The following SNAP25 variants were observed in gnomAD, a reference collection of about 807,000 sequenced individuals.
SNAP25 encodes synaptosome associated protein 25.
In SNAP25, 3 loss-of-function variants were observed where a neutral mutation model predicts 28.7. The ratio of observed to expected loss-of-function variants is 0.10; its 90% CI spans 0.05 to 0.27. SNAP25 has a LOEUF of 0.27. SNAP25 is among the 10% of genes least tolerant of loss of function. The pLI is 1.00. For synonymous variants in SNAP25, 61 were observed against 88.1 expected (o/e 0.69, Z 1.72); for missense variants, 117 against 278.7 (o/e 0.42, Z 4.13).
intron 1 of SNAP25, chr20:10,231,643 C>T (rs2062831304): frequency 6.6e-6 from 1 of 152,164 alleles, no homozygotes; most frequent in African/African-American, 2.4e-5. Flanking sequence ...TAGGAACATT[C>T]TCATAACCCT....
intron 1 of SNAP25, among the ~76,000 whole-genome samples, chr20:10,252,758 C>CTTT (rs56654069): frequency 2.2e-5 from 3 of 133,880 alleles, no homozygotes; most frequent in African/African-American, 8.1e-5. Flanking sequence ...ATTTTCTCAT[C>CTTT]TTTTTTTTTT....
intron 1 of SNAP25, among the ~76,000 whole-genome samples, chr20:10,262,124 A>G (rs1332258808): frequency 1.3e-5 from 2 of 152,226 alleles, no homozygotes; most frequent in African/African-American, 2.4e-5. Context: ...TAGTTTTGCT[A>G]TGGAAGGATG....
chr20:10,292,928 C>T, intron 4 of SNAP25: 1 of 1,613,458 alleles, frequency 6.2e-7, no homozygotes, highest in Non-Finnish European at 8.5e-7. Context: ...TCAACCAAGA[C>T]ATGAAGGAGG....
At chr20:10,289,385 C>G (rs1264801844) in intron 4 of SNAP25, among the ~76,000 whole-genome samples, 2 of 152,028 alleles carry the variant, frequency 1.3e-5, no homozygotes, top group Non-Finnish European at 2.9e-5. Flanking sequence ...GAAGATGTGA[C>G]TTTTGGGAAA....
intron 4 of SNAP25, among the ~76,000 whole-genome samples, 154 bp downstream of exon 4, chr20:10,284,926 T>C (rs556268865): frequency 6.6e-6 from 1 of 152,376 alleles, no homozygotes; most frequent in Non-Finnish European, 1.5e-5. Flanking sequence ...TTTTTCTTTC[T>C]CTGTTGAAAA....
intron 1 of SNAP25, among the ~76,000 whole-genome samples, chr20:10,264,580 G>A (rs2063474692): frequency 6.6e-6 from 1 of 152,218 alleles, no homozygotes; most frequent in South Asian, 2.1e-4. Flanking sequence ...GGAAGGAAAA[G>A]GGACCACCAC....
intron 3 of SNAP25, 196 bp downstream of exon 3, chr20:10,277,922 C>T: frequency 1.9e-6 from 1 of 536,268 alleles, no homozygotes; most frequent in Non-Finnish European, 3.3e-6. Flanking sequence ...CACCCTCCTT[C>T]CCAGCCCAAG....
intron 4 of SNAP25, among the ~76,000 whole-genome samples, chr20:10,287,658 G>T (rs1417759502): frequency 6.8e-6 from 1 of 147,318 alleles, no homozygotes; most frequent in Non-Finnish European, 1.5e-5. Flanking sequence ...CCCATTACTG[G>T]GTATATACCC....
At chr20:10,266,494 G>A (rs1273203305) in intron 1 of SNAP25, among the ~76,000 whole-genome samples, 1 of 152,186 alleles carries the variant, frequency 6.6e-6, no homozygotes, top group Non-Finnish European at 1.5e-5. Context: ...AGCCAAATGA[G>A]AGCACATTAA....
chr20:10,274,994 T>C (rs919781845), intron 1 of SNAP25, among the ~76,000 whole-genome samples: 2 of 151,968 alleles, frequency 1.3e-5, no homozygotes, highest in African/African-American at 4.8e-5. Context: ...TGTATACATA[T>C]GTCAAAACTT....
chr20:10,276,489 T>A (rs2063694035), intron 2 of SNAP25, among the ~76,000 whole-genome samples: 1 of 152,196 alleles, frequency 6.6e-6, no homozygotes, highest in South Asian at 2.1e-4. Context: ...AAAGAGGAAA[T>A]CTTCCAGTAT....
At chr20:10,290,945 T>G (rs1464618400) in intron 4 of SNAP25, among the ~76,000 whole-genome samples, 1 of 152,188 alleles carries the variant, frequency 6.6e-6, no homozygotes, top group Admixed American at 6.5e-5. Flanking sequence ...ACTTGAATAT[T>G]TACCTTGATC....
At chr20:10,250,683 A>G (rs1251221267) in intron 1 of SNAP25, among the ~76,000 whole-genome samples, 1 of 152,218 alleles carries the variant, frequency 6.6e-6, no homozygotes, top group Admixed American at 6.5e-5. Flanking sequence ...TCCAAGGAAG[A>G]TTGGTGCCAA....
intron 3 of SNAP25, among the ~76,000 whole-genome samples, chr20:10,282,853 A>G (rs2063805526): frequency 6.6e-6 from 1 of 152,248 alleles, no homozygotes; most frequent in African/African-American, 2.4e-5. Flanking sequence ...CAAATAAATC[A>G]TTAAAATACA....
chr20:10,282,216 G>T (rs2063793111), intron 3 of SNAP25, among the ~76,000 whole-genome samples: 1 of 146,066 alleles, frequency 6.8e-6, no homozygotes, highest in South Asian at 2.2e-4. Flanking sequence ...AGGAAGGAAG[G>T]AAGGAAGGAA....
chr20:10,290,713 T>C (rs546678959), intron 4 of SNAP25, among the ~76,000 whole-genome samples: 2 of 152,288 alleles, frequency 1.3e-5, no homozygotes, highest in African/African-American at 2.4e-5. Context: ...AGACAAATAA[T>C]TGCATATGTG....
Position 10,231,747 on chromosome 20 carries a change from A to G in SNAP25, c.-64+12770A>G, listed in dbSNP as rs1410865844. On this transcript the variant is annotated intron_variant, in intron 1 of 7. Transcript: ENST00000254976. ...AATCTGAAACTTTTTGAGCACCAAT[A>G]TGACCCTCAAAGGAAATGCCTATTA... is the stretch of plus-strand genomic sequence containing the variant. 5 of 152,192 alleles carry G rather than the reference A, an allele frequency of 3.3e-5. No individual in the cohort carries two copies. The South Asian group carries it at 1.0e-3, about 31-fold the overall frequency. The allele number at this position is 152,192 out of a possible 1,614,324, so 9.4% of individuals were successfully genotyped here.
At chr20:10,301,810 A>G (rs2064243323) in intron 7 of SNAP25, among the ~76,000 whole-genome samples, 3 of 148,958 alleles carry the variant, frequency 2.0e-5, no homozygotes, top group African/African-American at 7.4e-5. Context: ...TTTCTGCTTA[A>G]GGGTATTTAT....
chr20:10,225,466 A>G (rs191090291), intron 1 of SNAP25, among the ~76,000 whole-genome samples: 2 of 152,312 alleles, frequency 1.3e-5, no homozygotes, highest in East Asian at 1.9e-4. Flanking sequence ...ATGCTTAACA[A>G]TGATTCCAGA....
Sources: gnomAD v4.1 joint callset for allele counts (sites outside exome capture counted in the v4.1 genomes callset) on GRCh38, gnomAD v4.1.1 for gene constraint, MANE v1.5 for transcripts, NCBI Gene and HGNC (gene_info 2026-07-23, HGNC 2026-07-21) for gene names.